Variants in BCAS3 observed in about 807,000 individuals in gnomAD.
The protein encoded by BCAS3 is BCAS3 microtubule associated cell migration factor.
Under a neutral mutation model 116.1 loss-of-function variants are expected in BCAS3, and 53 were observed. The observed-to-expected ratio is 0.46, with a 90% CI of 0.37 to 0.57. The LOEUF (loss-of-function observed/expected upper bound fraction) is 0.57, where lower values mean the gene tolerates loss of function less well. Among genes scored for constraint, BCAS3 ranks in the 20% least tolerant of loss-of-function variants. The pLI, the probability that BCAS3 is intolerant of heterozygous loss-of-function variation, is 0.00. For missense variants in BCAS3, 917 were observed against 1,165.4 expected (o/e 0.79, Z 3.10); for synonymous variants, 391 against 408.2 (o/e 0.96, Z 0.51).
chr17:60,935,452 T>C (rs1303957338), intron 13 of BCAS3, among the ~76,000 whole-genome samples: 1 of 152,174 alleles, frequency 6.6e-6, no homozygotes, highest in Non-Finnish European at 1.5e-5. Context: ...AATAAGTAAA[T>C]ATATAATTTG....
At chr17:61,137,875 G>A (rs1255082244) in intron 22 of BCAS3, among the ~76,000 whole-genome samples, 1 of 152,200 alleles carries the variant, frequency 6.6e-6, no homozygotes, top group Non-Finnish European at 1.5e-5. Context: ...TGTTTTGGTT[G>A]ATTCGGTGTT....
At chr17:60,759,592 C>G (rs2043312958) in intron 6 of BCAS3, among the ~76,000 whole-genome samples, 1 of 146,084 alleles carries the variant, frequency 6.8e-6, no homozygotes, top group African/African-American at 2.5e-5. Flanking sequence ...GTTACATTCT[C>G]TTGCTGGATT....
intron 6 of BCAS3, among the ~76,000 whole-genome samples, chr17:60,783,268 A>G (rs1448158678): frequency 6.6e-6 from 1 of 152,094 alleles, no homozygotes; most frequent in Non-Finnish European, 1.5e-5. Flanking sequence ...GCAGTGGTGC[A>G]ATCATAGCTC....
At chr17:60,771,420 CAA>C (rs201167090) in intron 6 of BCAS3, among the ~76,000 whole-genome samples, 6,635 of 152,138 alleles carry the variant, frequency 0.044, 526 homozygotes, top group African/African-American at 0.15. Flanking sequence ...AAGTATGTTG[CAA>C]AGACAGCAAT....
chr17:61,229,397 C>G lies in BCAS3; in HGVS notation c.2426-138930C>G, dbSNP rs1009190601. The stretch of plus-strand genomic sequence containing the variant: ...AGCTCCAGCCAGTTATCTAGAAGAT[C>G]TAGCCAAGATCATTGATGAAGGTGG... On this transcript the variant is annotated intron_variant, in intron 22 of 23. Coordinates refer to ENST00000407086, the MANE Select transcript of BCAS3 (RefSeq NM_017679.5). This position sits in a 1 kb window ranked among gnomAD's most constrained non-coding sequence, Gnocchi z 4.4. 7.2e-5 allele frequency among the ~76,000 whole-genome samples: 11 copies of G among 152,332 alleles called. No individual in the cohort carries two copies. The highest frequency in any genetic ancestry group is 2.4e-4 in the African/African-American group (10 of 41,582).
At chr17:61,067,317 T>TATATA (rs2070778205) in intron 19 of BCAS3, among the ~76,000 whole-genome samples, 108 of 59,648 alleles carry the variant, frequency 1.8e-3, no homozygotes, top group African/African-American at 4.3e-3. Context: ...ATATATATAT[T>TATATA]TATACAGACT....
In BCAS3 at chr17:61,084,429, C is replaced by T; in HGVS notation, c.2328-38C>T. ...TTTGTAGCAAGTGACAGTTTTGATG[C>T]CAGTAACATATGTGAATTAAATTAA... On this transcript the variant is annotated intron_variant, in intron 21 of 23. Transcript: ENST00000407086. The surrounding 1 kb of genome is among the most constrained non-coding windows in gnomAD (Gnocchi z 5.5). The T allele has an allele frequency of 6.6e-7, 1 of 1,516,744 alleles. No individual in the cohort carries two copies. 94.0% of individuals were successfully genotyped at this position (1,516,744 alleles called of 1,614,324 possible). A position where few individuals can be genotyped will look rare whatever the true frequency, so the allele number is the denominator to read the frequency against.
Position 61,267,951 on chromosome 17 carries a change from C to T in BCAS3, c.2426-100376C>T, listed in dbSNP as rs185230861. 4.4e-3 allele frequency among the ~76,000 whole-genome samples: 668 copies of T among 152,192 alleles called. 2 individuals carry two copies. The highest frequency in any genetic ancestry group is 6.9e-3 in the Non-Finnish European group (468 of 68,020). On this transcript the variant is annotated intron_variant, in intron 22 of 23. Transcript: ENST00000407086. ...TCACCGAAAACCCATACTCACCCCT[C>T]CCCGAGAAAACTGGGTCACATATCT...
At chr17:61,266,091 C>T (rs2049680412) in intron 22 of BCAS3, among the ~76,000 whole-genome samples, 1 of 152,204 alleles carries the variant, frequency 6.6e-6, no homozygotes, top group Non-Finnish European at 1.5e-5. Flanking sequence ...TCCTCACGTT[C>T]ATTAAAATGA....
At chr17:60,953,121 A>G (rs906114034) in intron 14 of BCAS3, among the ~76,000 whole-genome samples, 1 of 151,910 alleles carries the variant, frequency 6.6e-6, no homozygotes, top group Non-Finnish European at 1.5e-5. Flanking sequence ...ATCCTGTTGT[A>G]TATTTACTCA....
At position 61,021,252 on chromosome 17, in the gene BCAS3, G is replaced by A. The variant is rs1019600660; in HGVS notation, c.1637+5351G>A. 1.3e-5 allele frequency among the ~76,000 whole-genome samples: 2 copies of A among 152,046 alleles called. No homozygotes were observed. The highest frequency in any genetic ancestry group is 4.8e-5 in the African/African-American group (2 of 41,378). The stretch of plus-strand genomic sequence containing the variant: ...GTTTTGTATTTTTTGTAGAGATTGG[G>A]TTTCTCTATGTTGCCCAAGCTGGTC... On this transcript the variant is annotated intron_variant, in intron 16 of 23. Transcript: ENST00000407086. The surrounding 1 kb of genome is among the most constrained non-coding windows in gnomAD (Gnocchi z 4.6).
rs932092306 is a variant in BCAS3 at position 61,337,888 on chromosome 17, T to C, written c.2426-30439T>C. Reference sequence around the variant, plus strand: ...CAAGGAAGATAGTTCTATCCCATTTTATAGTTGAGGAAACCAAGGCTCGGT... The same window carrying C: ...CAAGGAAGATAGTTCTATCCCATTTCATAGTTGAGGAAACCAAGGCTCGGT... On this transcript the variant is annotated intron_variant, in intron 22 of 23. Coordinates refer to ENST00000407086, the MANE Select transcript of BCAS3 (RefSeq NM_017679.5). The surrounding 1 kb of genome is among the most constrained non-coding windows in gnomAD (Gnocchi z 4.8). Among the ~76,000 whole-genome samples the C allele has an allele frequency of 2.6e-5, 4 of 152,180 alleles. No individual in the cohort carries two copies. Among genetic ancestry groups the C allele is most frequent in the Non-Finnish European group, 5.9e-5 (4 of 68,036 alleles).
At chr17:60,757,436 GTTTTC>G (rs2043119322) in intron 6 of BCAS3, among the ~76,000 whole-genome samples, 1 of 147,264 alleles carries the variant, frequency 6.8e-6, no homozygotes, top group Non-Finnish European at 1.5e-5. Context: ...GTGTGTGTGT[GTTTTC>G]TTTTAATGAT....
rs1422105896 is a variant in BCAS3 at position 61,378,163 on chromosome 17, C to T, written c.2593+9669C>T. ...TCCCTTCCAGCCTGACCTCCCACCC[C>T]TTCTGCAGTAACCTCTGCATATTTC... On this transcript the variant is annotated intron_variant, in intron 23 of 23. Coordinates refer to ENST00000407086, the MANE Select transcript of BCAS3 (RefSeq NM_017679.5). The surrounding 1 kb of genome is among the most constrained non-coding windows in gnomAD (Gnocchi z 5.8). 2.6e-5 allele frequency: 4 copies of T among 152,382 alleles called. No homozygotes were observed. Among genetic ancestry groups the T allele is most frequent in the Admixed American group, 6.5e-5 (1 of 15,284 alleles). The allele number at this position is 152,382 out of a possible 1,614,324, so 9.4% of individuals were successfully genotyped here. A position where few individuals can be genotyped will look rare whatever the true frequency, so the allele number is the denominator to read the frequency against.
rs553646084 is a variant in BCAS3 at position 60,794,005 on chromosome 17, C to G, written c.404-13999C>G. On this transcript the variant is annotated intron_variant, in intron 6 of 23. Transcript: ENST00000407086. ...CACACTGTTTTCCCTAGTGGCTGTA[C>G]TAGTTTACATTCCCACCAGCAGTGT... 2.6e-5 allele frequency among the ~76,000 whole-genome samples: 4 copies of G among 152,324 alleles called. No homozygotes were observed. The South Asian group carries it at 6.2e-4, about 24-fold the overall frequency.
intron 19 of BCAS3, among the ~76,000 whole-genome samples, chr17:61,064,265 A>C (rs1169868367): frequency 6.6e-6 from 1 of 152,134 alleles, no homozygotes; most frequent in Non-Finnish European, 1.5e-5. Context: ...ATGCCTGTGA[A>C]TAGCCACTGC....
In BCAS3 at chr17:60,679,444, T is replaced by G. The variant is rs775011218; in HGVS notation, c.-5-9T>G. ...CTGTTTTTTGTTTGTTTGTTTGTTC[T>G]GGAAACAGGTTTTATGAATGAAGCT... On this transcript the variant is annotated splice_polypyrimidine_tract_variant and intron_variant, in intron 1 of 23. Coordinates refer to ENST00000407086, the MANE Select transcript of BCAS3 (RefSeq NM_017679.5). 10 of 1,603,212 alleles carry G rather than the reference T, an allele frequency of 6.2e-6. No homozygotes were observed. The South Asian group carries it at 1.1e-4, about 18-fold the overall frequency.
rs1160435151 is a variant in BCAS3 at position 61,204,453 on chromosome 17, C to A, written c.2425+119889C>A. ...TTTTTCCCACATTCATATTTGACTG[C>A]GCATTATGTGAAAAATTGAATTTGG... On this transcript the variant is annotated intron_variant, in intron 22 of 23. Transcript: ENST00000407086. This position sits in a 1 kb window ranked among gnomAD's most constrained non-coding sequence, Gnocchi z 4.2. Among the ~76,000 whole-genome samples, 3 of 152,012 alleles carry A rather than the reference C, an allele frequency of 2.0e-5. No individual in the cohort carries two copies. The highest frequency in any genetic ancestry group is 2.0e-4 in the Admixed American group (3 of 15,256).
intron 1 of BCAS3, 120 bp from the exon 2 acceptor site, chr17:60,679,333 C>G: frequency 1.6e-6 from 1 of 639,454 alleles, no homozygotes; most frequent in African/African-American, 1.8e-5. Flanking sequence ...GGGAAAGTTT[C>G]CTACATTTGA....
Sources: gnomAD v4.1 joint callset for allele counts (sites outside exome capture counted in the v4.1 genomes callset) on GRCh38, gnomAD v4.1.1 for gene constraint, Gnocchi (gnomAD v3.1) non-coding constraint, MANE v1.5 for transcripts, NCBI Gene and HGNC (gene_info 2026-07-23, HGNC 2026-07-21) for gene names.